NTRK3: variants seen among roughly 807,000 people sequenced by gnomAD.
The protein encoded by NTRK3 is NT-3 growth factor receptor.
A neutral mutation model predicts 91.7 loss-of-function variants in NTRK3; 24 were observed. That is an observed-to-expected ratio of 0.26 (90% confidence interval 0.19 to 0.37). The LOEUF (loss-of-function observed/expected upper bound fraction) is 0.37, where lower values mean the gene tolerates loss of function less well. Ranked by LOEUF, NTRK3 falls within the 10% of genes least tolerant of loss-of-function variation. NTRK3 has a pLI of 1.00. For synonymous variants in NTRK3, 483 were observed against 404.0 expected (o/e 1.20, Z -2.34); for missense variants, 880 against 1,068.9 (o/e 0.82, Z 2.46).
intron 13 of NTRK3, among the ~76,000 whole-genome samples, chr15:88,045,624 G>A (rs1248043709): frequency 6.6e-6 from 1 of 152,224 alleles, no homozygotes; most frequent in African/African-American, 2.4e-5. Flanking sequence ...ACAGAGTTAT[G>A]CACTACAGTT....
At position 88,196,356 on chromosome 15, in the gene NTRK3, C is replaced by T. The variant is rs138596529; in HGVS notation, c.249-12057G>A. On this transcript the variant is annotated intron_variant, in intron 3 of 18. Transcript: ENST00000394480. ...CTTTCGTGCACAGCAAGCCGGGATG[C>T]GACCGAGGCACAGTGAAGAAGAGAG... Among the ~76,000 whole-genome samples, 1,224 of 151,900 alleles carry T rather than the reference C, an allele frequency of 8.1e-3. 14 individuals carry two copies. Among genetic ancestry groups the T allele is most frequent in the Non-Finnish European group, 0.01 (695 of 67,980 alleles).
chr15:88,020,735 G>C (rs1169959491), intron 14 of NTRK3, among the ~76,000 whole-genome samples: 1 of 152,194 alleles, frequency 6.6e-6, no homozygotes, highest in Non-Finnish European at 1.5e-5. Flanking sequence ...CAGTGGCTGA[G>C]TGGTAGGCTG....
At chr15:88,071,570 T>C (rs768149277) in intron 13 of NTRK3, among the ~76,000 whole-genome samples, 1 of 152,226 alleles carries the variant, frequency 6.6e-6, no homozygotes, top group African/African-American at 2.4e-5. Flanking sequence ...GTGCACCTAT[T>C]ATGGTTAGGC....
At chr15:88,242,028 C>T (rs1276727468) in intron 3 of NTRK3, among the ~76,000 whole-genome samples, 3 of 152,156 alleles carry the variant, frequency 2.0e-5, no homozygotes, top group Non-Finnish European at 4.4e-5. Flanking sequence ...AATAAACCCA[C>T]GTTGGATAAA....
At chr15:88,036,634 C>A (rs113951175) in intron 13 of NTRK3, among the ~76,000 whole-genome samples, 68 of 152,238 alleles carry the variant, frequency 4.5e-4, no homozygotes, top group African/African-American at 1.6e-3. Context: ...GTGTCTGGAG[C>A]GAGAGATTAC....
At chr15:87,990,187 C>T (rs1449793897) in intron 14 of NTRK3, among the ~76,000 whole-genome samples, 2 of 152,106 alleles carry the variant, frequency 1.3e-5, no homozygotes, top group Non-Finnish European at 2.9e-5. Context: ...ACAACTTTAT[C>T]GTCTCTCTCC....
intron 14 of NTRK3, chr15:87,946,410 C>T (rs2070507443): frequency 6.6e-6 from 1 of 152,188 alleles, no homozygotes; most frequent in African/African-American, 2.4e-5. Context: ...ATTCGGTCCC[C>T]AAAGGTGAGT....
chr15:88,083,027 G>C (rs2048195291), intron 13 of NTRK3, among the ~76,000 whole-genome samples: 1 of 152,190 alleles, frequency 6.6e-6, no homozygotes, highest in Admixed American at 6.5e-5. Flanking sequence ...GGAATGTCTG[G>C]ATGACTGCGG....
intron 17 of NTRK3, among the ~76,000 whole-genome samples, chr15:87,914,341 G>T (rs753966684): frequency 6.6e-6 from 1 of 152,138 alleles, no homozygotes; most frequent in African/African-American, 2.4e-5. Context: ...TCAGATGTCA[G>T]GGCCATTGGC....
intron 14 of NTRK3, among the ~76,000 whole-genome samples, chr15:87,988,622 T>C (rs970431540): frequency 1.3e-5 from 2 of 152,206 alleles, no homozygotes; most frequent in Admixed American, 6.5e-5. Context: ...TAAATTTTCA[T>C]TCAGAATTTA....
intron 5 of NTRK3, among the ~76,000 whole-genome samples, chr15:88,176,718 G>T (rs113479031): frequency 2.0e-4 from 30 of 152,128 alleles, no homozygotes; most frequent in Non-Finnish European, 2.5e-4. Context: ...CAATCACTTG[G>T]CATATAACAG....
chr15:88,091,735 G>T (rs1264029327), intron 13 of NTRK3, among the ~76,000 whole-genome samples: 1 of 152,200 alleles, frequency 6.6e-6, no homozygotes, highest in African/African-American at 2.4e-5. Context: ...ACACACATCT[G>T]ACCCATATTT....
At chr15:88,202,683 A>T (rs1046650407) in intron 3 of NTRK3, among the ~76,000 whole-genome samples, 4 of 152,170 alleles carry the variant, frequency 2.6e-5, no homozygotes, top group African/African-American at 9.6e-5. Context: ...TCTCCTCACC[A>T]TGACCTGTGC....
chr15:87,915,354 G>C (rs1374766811), intron 17 of NTRK3, among the ~76,000 whole-genome samples: 1 of 152,208 alleles, frequency 6.6e-6, no homozygotes, highest in East Asian at 1.9e-4. Flanking sequence ...GATGATGAGG[G>C]ACAGCACACA....
intron 14 of NTRK3, chr15:87,946,341 C>T (rs972354448): frequency 2.0e-5 from 3 of 152,254 alleles, no homozygotes; most frequent in East Asian, 1.9e-4. Flanking sequence ...GAGAGAAACC[C>T]GATTTCCCAG....
intron 13 of NTRK3, among the ~76,000 whole-genome samples, chr15:88,082,726 T>C (rs2048165473): frequency 1.3e-5 from 2 of 152,192 alleles, no homozygotes; most frequent in Non-Finnish European, 2.9e-5. Context: ...AGAATACTAA[T>C]AGGCTTGCAG....
At chr15:88,076,673 A>T (rs1326295931) in intron 13 of NTRK3, among the ~76,000 whole-genome samples, 1 of 984 alleles carries the variant, frequency 1.0e-3, no homozygotes, top group Non-Finnish European at 4.6e-3. Context: ...ATACATATGT[A>T]AAAAAAAAAA....
At chr15:88,089,492 G>A (rs1371474528) in intron 13 of NTRK3, among the ~76,000 whole-genome samples, 2 of 152,204 alleles carry the variant, frequency 1.3e-5, no homozygotes, top group African/African-American at 4.8e-5. Context: ...TCCAAGTGAT[G>A]TAATACTGCA....
At chr15:87,860,795 G>A (rs1020982192) in exon 19 of NTRK3, 2 of 213,170 alleles carry the variant, frequency 9.4e-6, no homozygotes, top group East Asian at 7.0e-5. Context: ...AGAAGCCTGG[G>A]AGAAAAACAA....
Sources: allele counts gnomAD v4.1 joint callset (sites outside exome capture counted in the v4.1 genomes callset), GRCh38; gene constraint gnomAD v4.1.1; transcripts MANE v1.5; gene names NCBI Gene and HGNC (gene_info 2026-07-23, HGNC 2026-07-21).